CNBD1: variants seen among roughly 807,000 people sequenced by gnomAD.
The protein encoded by CNBD1 is cyclic nucleotide-binding domain-containing protein 1.
Under a neutral mutation model 54.4 loss-of-function variants are expected in CNBD1, and 71 were observed. The ratio of observed to expected loss-of-function variants is 1.30; its 90% confidence interval spans 1.08 to 1.59. CNBD1 has a LOEUF of 1.59. Ranked by LOEUF, CNBD1 falls within the 40% of genes most tolerant of loss-of-function variation. CNBD1 has a pLI of 0.00. For missense variants in CNBD1, 659 were observed against 518.0 expected (o/e 1.27, Z -2.64); for synonymous variants, 182 against 170.7 (o/e 1.07, Z -0.51).
chr8:87,319,733 A>G (rs1809479654), intron 8 of CNBD1, among the ~76,000 whole-genome samples: 1 of 152,066 alleles, frequency 6.6e-6, no homozygotes, highest in Non-Finnish European at 1.5e-5. Context: ...AAAAATAATA[A>G]TGCTCTATAA....
chr8:87,117,702 C>A (rs1403519908), intron 4 of CNBD1, among the ~76,000 whole-genome samples: 1 of 152,122 alleles, frequency 6.6e-6, no homozygotes, highest in African/African-American at 2.4e-5. Flanking sequence ...TGCAAAGACT[C>A]AACTATTAGT....
At chr8:86,944,873 C>T (rs1807429862) in intron 4 of CNBD1, among the ~76,000 whole-genome samples, 1 of 152,086 alleles carries the variant, frequency 6.6e-6, no homozygotes, top group Admixed American at 6.5e-5. Context: ...ATGACAGTGG[C>T]CCATATTCTG....
intron 5 of CNBD1, among the ~76,000 whole-genome samples, chr8:87,224,970 G>C (rs1041830249): frequency 6.6e-6 from 1 of 152,168 alleles, no homozygotes; most frequent in East Asian, 1.9e-4. Context: ...TCCCTTGTAA[G>C]TTGGATTCCT....
intron 4 of CNBD1, among the ~76,000 whole-genome samples, chr8:87,145,847 A>T (rs999911586): frequency 2.0e-5 from 3 of 152,172 alleles, no homozygotes; most frequent in Non-Finnish European, 4.4e-5. Context: ...CCCATTTAAC[A>T]GTCCCAATTT....
chr8:87,263,802 G>C (rs1808192124), intron 6 of CNBD1, among the ~76,000 whole-genome samples: 2 of 151,886 alleles, frequency 1.3e-5, no homozygotes, highest in African/African-American at 2.4e-5. Flanking sequence ...CAAGGCCAAA[G>C]AAAATTAAAT....
intron 8 of CNBD1, among the ~76,000 whole-genome samples, chr8:87,304,201 G>A (rs1157825391): frequency 6.6e-6 from 1 of 151,790 alleles, no homozygotes; most frequent in African/African-American, 2.4e-5. Context: ...GTTTATTGCG[G>A]CACTATTCAC....
intron 2 of CNBD1, among the ~76,000 whole-genome samples, chr8:87,405,335 G>A (rs897951815): frequency 2.0e-5 from 3 of 152,018 alleles, no homozygotes; most frequent in African/African-American, 7.2e-5. Flanking sequence ...AATGATGCAT[G>A]TAAAGTATTT....
intron 10 of CNBD1, among the ~76,000 whole-genome samples, chr8:87,366,632 A>T (rs988931142): frequency 2.6e-5 from 4 of 152,100 alleles, no homozygotes; most frequent in Non-Finnish European, 2.9e-5. Flanking sequence ...TAATCACAGG[A>T]GTAACACCAT....
At chr8:86,915,016 C>G (rs1003952013) in intron 3 of CNBD1, among the ~76,000 whole-genome samples, 1 of 152,140 alleles carries the variant, frequency 6.6e-6, no homozygotes, top group Non-Finnish European at 1.5e-5. Context: ...ACACGCAGAG[C>G]CACCTGAACA....
chr8:87,147,950 G>T (rs1484571941), intron 4 of CNBD1, among the ~76,000 whole-genome samples: 4 of 152,020 alleles, frequency 2.6e-5, no homozygotes, highest in Non-Finnish European at 5.9e-5. Flanking sequence ...CTTTCTTTAT[G>T]CAGGATACCT....
At chr8:87,398,128 G>A (rs1054247155) in intron 2 of CNBD1, among the ~76,000 whole-genome samples, 4 of 148,208 alleles carry the variant, frequency 2.7e-5, no homozygotes, top group African/African-American at 1.0e-4. Context: ...TTATAATATG[G>A]CCTGGATTAT....
At chr8:86,903,023 A>G (rs994659529) in intron 2 of CNBD1, among the ~76,000 whole-genome samples, 2 of 152,100 alleles carry the variant, frequency 1.3e-5, no homozygotes, top group Non-Finnish European at 2.9e-5. Context: ...CATTTTTGGG[A>G]CATAGAATAT....
At chr8:87,352,739 G>C (rs186291673) in intron 9 of CNBD1, among the ~76,000 whole-genome samples, 1 of 152,092 alleles carries the variant, frequency 6.6e-6, no homozygotes, top group East Asian at 1.9e-4. Flanking sequence ...TATAATTACT[G>C]TGGTAGAAAA....
At chr8:86,989,321 A>ATACG (rs1808685417) in intron 4 of CNBD1, among the ~76,000 whole-genome samples, 1 of 151,974 alleles carries the variant, frequency 6.6e-6, no homozygotes, top group Admixed American at 6.6e-5. Context: ...ACATACATAC[A>ATACG]TACATACATA....
At chr8:87,337,976 C>T (rs1344516191) in intron 8 of CNBD1, among the ~76,000 whole-genome samples, 7 of 151,986 alleles carry the variant, frequency 4.6e-5, no homozygotes, top group Non-Finnish European at 8.8e-5. Context: ...CTATTTTTGT[C>T]TTCTATATTG....
intron 6 of CNBD1, among the ~76,000 whole-genome samples, chr8:87,246,689 C>T (rs906858843): frequency 6.6e-6 from 1 of 152,122 alleles, no homozygotes; most frequent in African/African-American, 2.4e-5. Context: ...CTCAGATTTG[C>T]ACCTCAATTG....
At chr8:87,097,904 A>G (rs192191402) in intron 4 of CNBD1, among the ~76,000 whole-genome samples, 107 of 152,284 alleles carry the variant, frequency 7.0e-4, no homozygotes, top group African/African-American at 2.0e-3. Context: ...GTGACATACA[A>G]TCCTTGTAAT....
At chr8:87,414,722 T>G (rs1807808557) in intron 2 of CNBD1, among the ~76,000 whole-genome samples, 1 of 152,086 alleles carries the variant, frequency 6.6e-6, no homozygotes, top group Non-Finnish European at 1.5e-5. Context: ...TCTTTATAAC[T>G]TTTAGTTTGT....
At chr8:87,035,774 A>C (rs111951242) in intron 4 of CNBD1, among the ~76,000 whole-genome samples, 29 of 152,230 alleles carry the variant, frequency 1.9e-4, no homozygotes, top group African/African-American at 6.7e-4. Flanking sequence ...CAGGCAATGT[A>C]TGGCAGCCCG....
Sources: gnomAD v4.1 joint callset for allele counts (sites outside exome capture counted in the v4.1 genomes callset) on GRCh38, gnomAD v4.1.1 for gene constraint, MANE v1.5 for transcripts, NCBI Gene and HGNC (gene_info 2026-07-23, HGNC 2026-07-21) for gene names.